CCDC60: variants seen among roughly 807,000 people sequenced by gnomAD.
The protein encoded by CCDC60 is coiled-coil domain containing 60, also known as coiled-coil domain-containing protein 60.
CCDC60 carries 54 observed loss-of-function variants against 63.5 expected under a neutral mutation model. The ratio of observed to expected loss-of-function variants is 0.85; its 90% CI spans 0.68 to 1.07. The LOEUF (loss-of-function observed/expected upper bound fraction) is 1.07. Ranked by LOEUF, CCDC60 falls within the 50% of genes least tolerant of loss-of-function variation. The pLI is 0.00. For missense variants in CCDC60, 651 were observed against 684.3 expected (o/e 0.95, Z 0.54); for synonymous variants, 206 against 238.8 (o/e 0.86, Z 1.27).
At chr12:119,444,928 T>C (rs1950513760) in intron 2 of CCDC60, among the ~76,000 whole-genome samples, 1 of 146,568 alleles carries the variant, frequency 6.8e-6, no homozygotes, top group South Asian at 2.1e-4. Flanking sequence ...GCAAAATGGC[T>C]TTTTTTTTTC....
At chr12:119,396,122 G>A (rs1956249643) in intron 1 of CCDC60, among the ~76,000 whole-genome samples, 1 of 151,984 alleles carries the variant, frequency 6.6e-6, no homozygotes, top group Admixed American at 6.5e-5. Flanking sequence ...ATTTTTAGTA[G>A]AGACTGAGTC....
chr12:119,466,085 A>AGC (rs1950949178), intron 2 of CCDC60, among the ~76,000 whole-genome samples: 1 of 152,184 alleles, frequency 6.6e-6, no homozygotes, highest in African/African-American at 2.4e-5. Context: ...TCTTCCCCCA[A>AGC]CAAGTATCTG....
At chr12:119,339,844 G>A (rs1039887711) in intron 1 of CCDC60, among the ~76,000 whole-genome samples, 11 of 151,880 alleles carry the variant, frequency 7.2e-5, no homozygotes, top group African/African-American at 2.4e-4. Context: ...CAGATTCTTC[G>A]CAAACTCTGT....
intron 2 of CCDC60, among the ~76,000 whole-genome samples, chr12:119,444,105 T>C (rs1566012802): frequency 6.6e-6 from 1 of 152,226 alleles, no homozygotes; most frequent in Non-Finnish European, 1.5e-5. Context: ...TCCTGTCTGA[T>C]GGGAAAATCA....
intron 2 of CCDC60, among the ~76,000 whole-genome samples, chr12:119,450,633 C>T (rs545289356): frequency 3.3e-5 from 5 of 152,058 alleles, no homozygotes; most frequent in East Asian, 1.9e-4. Flanking sequence ...CCGAGGTGGG[C>T]GGATCACAAG....
intron 7 of CCDC60, among the ~76,000 whole-genome samples, chr12:119,509,535 G>T (rs1668582368): frequency 6.6e-6 from 1 of 152,112 alleles, no homozygotes; most frequent in South Asian, 2.1e-4. Flanking sequence ...TAGGGTTTGT[G>T]TTCTCCAGTT....
At chr12:119,459,986 G>T (rs746579357) in intron 2 of CCDC60, among the ~76,000 whole-genome samples, 1 of 152,192 alleles carries the variant, frequency 6.6e-6, no homozygotes, top group African/African-American at 2.4e-5. Context: ...TGTGCAGTGG[G>T]TAAGATGAAC....
intron 13 of CCDC60, among the ~76,000 whole-genome samples, chr12:119,531,849 A>C (rs780176713): frequency 1.3e-5 from 2 of 152,234 alleles, no homozygotes; most frequent in Admixed American, 1.3e-4. Flanking sequence ...GTCAAAATGC[A>C]TCAGCAATAC....
chr12:119,408,863 C>T (rs1158275856), intron 1 of CCDC60, among the ~76,000 whole-genome samples: 2 of 152,038 alleles, frequency 1.3e-5, no homozygotes, highest in African/African-American at 2.4e-5. Context: ...ACCGCAATGA[C>T]ATTGGCACCA....
intron 1 of CCDC60, among the ~76,000 whole-genome samples, chr12:119,387,102 C>G (rs2136190916): frequency 6.8e-6 from 1 of 147,506 alleles, no homozygotes; most frequent in Admixed American, 6.8e-5. Flanking sequence ...TTCAGCTCTT[C>G]CACTTTCCAA....
intron 2 of CCDC60, among the ~76,000 whole-genome samples, chr12:119,431,687 TTTTTG>T (rs1950231411): frequency 1.3e-5 from 2 of 152,030 alleles, no homozygotes. Flanking sequence ...GTTTGTTTGT[TTTTTG>T]TTTTGAGACA....
At chr12:119,523,666 C>G in intron 10 of CCDC60, 27 bp from the exon 11 acceptor site, 1 of 1,612,850 alleles carries the variant, frequency 6.2e-7, no homozygotes, top group South Asian at 1.1e-5. Flanking sequence ...GCTCCATTCC[C>G]CAAGCCCTTC....
At chr12:119,488,073 C>T (rs575627050) in intron 4 of CCDC60, among the ~76,000 whole-genome samples, 3 of 152,328 alleles carry the variant, frequency 2.0e-5, no homozygotes, top group African/African-American at 7.2e-5. Context: ...GCCTCAGCCT[C>T]TCAAAGTGCT....
At chr12:119,512,143 T>C (rs144735951) in intron 7 of CCDC60, among the ~76,000 whole-genome samples, 100 of 152,276 alleles carry the variant, frequency 6.6e-4, no homozygotes, top group African/African-American at 2.2e-3. Flanking sequence ...AACACACAAA[T>C]GGTCTTGGGA....
At chr12:119,341,278 C>G (rs1426427562) in intron 1 of CCDC60, among the ~76,000 whole-genome samples, 2 of 150,370 alleles carry the variant, frequency 1.3e-5, no homozygotes, top group Non-Finnish European at 3.0e-5. Context: ...GCGATCGGCA[C>G]TCTTCATGCT....
chr12:119,472,984 C>T (rs1356069732), intron 3 of CCDC60, among the ~76,000 whole-genome samples: 1 of 152,164 alleles, frequency 6.6e-6, no homozygotes, highest in East Asian at 1.9e-4. Flanking sequence ...ACCAAAATAA[C>T]AATAAAAACA....
chr12:119,468,303 A>T (rs868041191), intron 2 of CCDC60, among the ~76,000 whole-genome samples: 23 of 152,196 alleles, frequency 1.5e-4, no homozygotes, highest in Middle Eastern at 3.4e-3. Context: ...AAAAATAAAA[A>T]TTTTTTAAAA....
chr12:119,515,923 GAGA>G (rs1952340963), intron 7 of CCDC60, among the ~76,000 whole-genome samples: 1 of 152,140 alleles, frequency 6.6e-6, no homozygotes, highest in African/African-American at 2.4e-5. Context: ...ATGGAGATCA[GAGA>G]AGGTTTCCTG....
intron 1 of CCDC60, among the ~76,000 whole-genome samples, chr12:119,415,237 A>G (rs1399646745): frequency 6.6e-6 from 1 of 152,234 alleles, no homozygotes; most frequent in East Asian, 1.9e-4. Context: ...AGACCAAGGA[A>G]TGCATCACAG....
Sources: gnomAD v4.1 joint callset for allele counts (sites outside exome capture counted in the v4.1 genomes callset) on GRCh38, gnomAD v4.1.1 for gene constraint, MANE v1.5 for transcripts, NCBI Gene and HGNC (gene_info 2026-07-23, HGNC 2026-07-21) for gene names.